The following PHC3 variants were observed in gnomAD, a reference collection of about 807,000 sequenced individuals.
PHC3 encodes polyhomeotic-like protein 3.
A neutral mutation model predicts 107.4 loss-of-function variants in PHC3; 13 were observed. That is an observed-to-expected ratio of 0.12 (90% CI 0.08 to 0.19). The LOEUF (loss-of-function observed/expected upper bound fraction) is 0.19, where lower values mean the gene tolerates loss of function less well. Among genes scored for constraint, PHC3 ranks in the 10% least tolerant of loss-of-function variants. The probability of loss-of-function intolerance (pLI) is 1.00; values close to 1 mark genes in which losing one functional copy is unlikely to be tolerated. For missense variants in PHC3, 992 were observed against 1,210.9 expected (o/e 0.82, Z 2.68); for synonymous variants, 456 against 427.4 (o/e 1.07, Z -0.83).
intron 9 of PHC3, among the ~76,000 whole-genome samples, chr3:170,120,647 G>C (rs1406727569): frequency 2.0e-5 from 3 of 152,068 alleles, no homozygotes; most frequent in African/African-American, 7.2e-5. Flanking sequence ...TACTTTTCAG[G>C]AGGAGGAAAA....
rs1359504413 is a variant in PHC3 at position 170,088,676 on chromosome 3, AC to A, written c.*8553del. The A allele has an allele frequency of 6.6e-6, 1 of 152,236 alleles. No individual in the cohort carries two copies. Among genetic ancestry groups the A allele is most frequent in the Non-Finnish European group, 1.5e-5 (1 of 68,040 alleles). The allele number at this position is 152,236 out of a possible 1,614,324, so 9.4% of individuals were successfully genotyped here. A position where few individuals can be genotyped will look rare whatever the true frequency, so the allele number is the denominator to read the frequency against. On this transcript the variant is annotated 3_prime_UTR_variant, in exon 15 of 15. Coordinates refer to ENST00000495893, the MANE Select transcript of PHC3 (RefSeq NM_024947.4). ...ATGGAATACATATTTTAACAGCATA[AC>A]ATATTTGAAGAATTAGTTACACTTT... is the stretch of plus-strand genomic sequence containing the variant.
chr3:170,104,471 C>T (rs1025100410), intron 12 of PHC3, among the ~76,000 whole-genome samples: 1 of 152,166 alleles, frequency 6.6e-6, no homozygotes. Context: ...GGGGGTCTCA[C>T]TATGTTGCCC....
In PHC3 at chr3:170,096,944, T is replaced by C. The variant is rs1289792011; in HGVS notation, c.*286A>G. On this transcript the variant is annotated 3_prime_UTR_variant, in exon 15 of 15. Coordinates refer to ENST00000495893, the MANE Select transcript of PHC3 (RefSeq NM_024947.4). Reference sequence around the variant, plus strand: ...TGATAAACATCACCTTTAAAAAAATTATCTAGTATAACACATTTCTTTGAA... The same window carrying C: ...TGATAAACATCACCTTTAAAAAAATCATCTAGTATAACACATTTCTTTGAA... 1 of 234,174 alleles carries C rather than the reference T, an allele frequency of 4.3e-6. No homozygotes were observed. Among genetic ancestry groups the C allele is most frequent in the African/African-American group, 2.2e-5 (1 of 44,546 alleles). The allele number at this position is 234,174 out of a possible 1,614,324, so 14.5% of individuals were successfully genotyped here.
At chr3:170,174,296 C>T (rs879929380) in intron 2 of PHC3, among the ~76,000 whole-genome samples, 1 of 152,192 alleles carries the variant, frequency 6.6e-6, no homozygotes, top group East Asian at 1.9e-4. Context: ...ATGTCAAATA[C>T]CTTGTTTTGC....
intron 2 of PHC3, among the ~76,000 whole-genome samples, chr3:170,173,228 A>G (rs950112912): frequency 2.6e-5 from 4 of 152,094 alleles, no homozygotes; most frequent in African/African-American, 9.7e-5. Context: ...CCAGTGGACA[A>G]TTCGCAAAAG....
intron 9 of PHC3, among the ~76,000 whole-genome samples, chr3:170,120,483 G>T (rs755181540): frequency 4.6e-5 from 7 of 151,686 alleles, no homozygotes; most frequent in Non-Finnish European, 1.5e-5. Context: ...TGAAGCAGGA[G>T]AATCACTTGA....
At chr3:170,102,144 A>G in intron 14 of PHC3, 1 of 984,920 alleles carries the variant, frequency 1.0e-6, no homozygotes, top group Non-Finnish European at 1.2e-6. Flanking sequence ...AAGAGCAGAA[A>G]GGAAGAAGTG....
In PHC3 at chr3:170,129,404, T is replaced by C. The variant is rs753516970; in HGVS notation, c.1068A>G (p.Gln356=). Residue 356 remains glutamine (Q), a synonymous_variant, in exon 8 of 15, where the codon CAA becomes CAG. Transcript: ENST00000495893. ...TACAGTGCTGGGATGGGGGTGGGTC[T>C]TGAGTTGAATTCTGAAGTGTGATTG... The part of the protein sequence containing the change: ...IQPITLQNST[Q]DPPPSQHCIP... 31 of 1,613,822 alleles carry C rather than the reference T, an allele frequency of 1.9e-5. No homozygotes were observed. The highest frequency in any genetic ancestry group is 1.6e-4 in the Middle Eastern group (1 of 6,084).
chr3:170,116,898 A>G (rs1719093785), intron 10 of PHC3, among the ~76,000 whole-genome samples: 1 of 122,892 alleles, frequency 8.1e-6, no homozygotes, highest in African/African-American at 3.0e-5. Flanking sequence ...TCAACAGAGC[A>G]AGATCCTGTC....
intron 3 of PHC3, 107 bp downstream of exon 3, chr3:170,172,450 C>A: frequency 8.1e-7 from 1 of 1,229,380 alleles, no homozygotes; most frequent in South Asian, 1.5e-5. Flanking sequence ...GGAAAAATAA[C>A]CACAGGACAT....
intron 3 of PHC3, 30 bp from the exon 4 acceptor site, chr3:170,171,480 G>T (rs759261940): frequency 6.1e-6 from 9 of 1,479,162 alleles, no homozygotes; most frequent in Middle Eastern, 3.4e-4. Flanking sequence ...AGAATATGTC[G>T]GTAAAAACCT....
intron 7 of PHC3, among the ~76,000 whole-genome samples, chr3:170,131,259 T>G (rs1422602791): frequency 6.6e-6 from 1 of 152,086 alleles, no homozygotes; most frequent in Non-Finnish European, 1.5e-5. Flanking sequence ...AAAACTGTGT[T>G]GATATAGACT....
At chr3:170,107,612 A>T (rs1255683457) in intron 11 of PHC3, among the ~76,000 whole-genome samples, 1 of 152,194 alleles carries the variant, frequency 6.6e-6, no homozygotes, top group Non-Finnish European at 1.5e-5. Flanking sequence ...AAAATTCTTT[A>T]AAAAGATGCA....
intron 11 of PHC3, among the ~76,000 whole-genome samples, chr3:170,112,631 C>A (rs768476190): frequency 6.6e-6 from 1 of 150,722 alleles, no homozygotes; most frequent in Non-Finnish European, 1.5e-5. Flanking sequence ...TCAAGCAATA[C>A]TCCTGCCTCA....
chr3:170,113,407 T>C lies in PHC3; in HGVS notation c.2306A>G (p.His769Arg), dbSNP rs1718221419. The C allele has an allele frequency of 6.2e-7, 1 of 1,612,370 alleles. No individual in the cohort carries two copies. Among genetic ancestry groups the C allele is most frequent in the African/African-American group, 1.3e-5 (1 of 75,028 alleles). ...CTCTGTGTCAGATGAATTATCCGCA[T>C]GTTTTGTATTATTCTGTAGCTCTGG... ...VQPELQNNTKHADNSSDTEME... is the reference protein window; with the variant it reads ...VQPELQNNTKRADNSSDTEME... Residue 769 changes from histidine (H) to arginine (R), a missense_variant, in exon 11 of 15, where the codon CAT (histidine) becomes CGT (arginine). This residue lies in a region of PHC3 where 228 missense variants were observed against 288.8 expected (regional missense o/e 0.79). Coordinates refer to ENST00000495893, the MANE Select transcript of PHC3 (RefSeq NM_024947.4).
intron 12 of PHC3, among the ~76,000 whole-genome samples, chr3:170,103,792 C>T (rs1309557735): frequency 2.0e-5 from 3 of 152,218 alleles, no homozygotes; most frequent in African/African-American, 7.2e-5. Context: ...TGGCTCACAC[C>T]TGTAATCCCA....
At chr3:170,130,645 T>G (rs1382756805) in intron 7 of PHC3, among the ~76,000 whole-genome samples, 4 of 152,144 alleles carry the variant, frequency 2.6e-5, no homozygotes, top group Non-Finnish European at 1.5e-5. Flanking sequence ...ACTTCAATAA[T>G]TGATGTGACA....
intron 7 of PHC3, 140 bp from the exon 8 acceptor site, chr3:170,129,692 T>TA: frequency 1.0e-6 from 1 of 991,986 alleles, no homozygotes; most frequent in Non-Finnish European, 1.4e-6. Flanking sequence ...AAGAGTAATT[T>TA]GAAAAAAAAA....
chr3:170,138,806 T>TA (rs1454478421), intron 6 of PHC3, among the ~76,000 whole-genome samples: 1 of 152,106 alleles, frequency 6.6e-6, no homozygotes, highest in African/African-American at 2.4e-5. Context: ...CCCCAGTTTC[T>TA]AGTCCTCCAG....
Sources: allele counts gnomAD v4.1 joint callset (sites outside exome capture counted in the v4.1 genomes callset), GRCh38; gene constraint gnomAD v4.1.1; regional missense constraint gnomAD v4.1.1; transcripts MANE v1.5; gene names NCBI Gene and HGNC (gene_info 2026-07-23, HGNC 2026-07-21).